Variants in EFNA5 observed in about 807,000 individuals in gnomAD.
EFNA5 encodes ephrin-A5.
EFNA5 carries 5 observed loss-of-function variants against 22.9 expected under a neutral mutation model. That is an observed-to-expected ratio of 0.22 (90% CI 0.11 to 0.46). The LOEUF is 0.46. Among genes scored for constraint, EFNA5 ranks in the 20% least tolerant of loss-of-function variants. The pLI is 0.99. For synonymous variants in EFNA5, 113 were observed against 112.2 expected (o/e 1.01, Z -0.04); for missense variants, 237 against 293.3 (o/e 0.81, Z 1.40).
chr5:107,655,322 A>G (rs945989603), intron 1 of EFNA5, among the ~76,000 whole-genome samples: 7 of 152,256 alleles, frequency 4.6e-5, no homozygotes, highest in Middle Eastern at 3.4e-3. Context: ...TTAGCAGGAA[A>G]AAAGAAACCT....
intron 1 of EFNA5, among the ~76,000 whole-genome samples, chr5:107,620,867 C>T (rs1467735547): frequency 1.3e-5 from 2 of 152,088 alleles, no homozygotes; most frequent in South Asian, 2.1e-4. Context: ...GCAGGAATAA[C>T]TAATGTGACC....
chr5:107,410,953 G>T (rs2562525), intron 2 of EFNA5, among the ~76,000 whole-genome samples: 118,156 of 152,106 alleles, frequency 0.78, 46,310 homozygotes, highest in Non-Finnish European at 0.81. Context: ...ATTCTTTGTC[G>T]TGGAGTCGTT....
At chr5:107,509,304 T>C (rs1217376693) in intron 1 of EFNA5, among the ~76,000 whole-genome samples, 1 of 151,502 alleles carries the variant, frequency 6.6e-6, no homozygotes, top group Non-Finnish European at 1.5e-5. Context: ...GAGTGTCAAC[T>C]CTTTTTCTTT....
At chr5:107,508,509 T>C (rs1747297531) in intron 1 of EFNA5, among the ~76,000 whole-genome samples, 1 of 152,238 alleles carries the variant, frequency 6.6e-6, no homozygotes, top group South Asian at 2.1e-4. Flanking sequence ...GTGGGCCTCA[T>C]CTGTGTTACA....
intron 1 of EFNA5, among the ~76,000 whole-genome samples, chr5:107,483,690 T>C (rs535918045): frequency 1.3e-5 from 2 of 152,346 alleles, no homozygotes; most frequent in Admixed American, 6.5e-5. Flanking sequence ...AAAATACTGC[T>C]CACAAGTATG....
At chr5:107,638,022 AT>A (rs548601580) in intron 1 of EFNA5, among the ~76,000 whole-genome samples, 2,232 of 144,386 alleles carry the variant, frequency 0.015, 28 homozygotes, top group Middle Eastern at 0.032. Flanking sequence ...AATTTTTTGT[AT>A]TTTTTTTTTT....
intron 1 of EFNA5, among the ~76,000 whole-genome samples, chr5:107,429,447 C>T (rs1252703696): frequency 6.6e-6 from 1 of 151,816 alleles, no homozygotes; most frequent in Non-Finnish European, 1.5e-5. Context: ...CTCGGTCTCA[C>T]AAAAGAAAAA....
chr5:107,465,020 A>G (rs972616430), intron 1 of EFNA5, among the ~76,000 whole-genome samples: 2 of 151,226 alleles, frequency 1.3e-5, no homozygotes, highest in African/African-American at 4.9e-5. Context: ...AGCACGGCCT[A>G]AGGGTTTACA....
At chr5:107,482,352 A>G (rs1236390408) in intron 1 of EFNA5, among the ~76,000 whole-genome samples, 1 of 152,124 alleles carries the variant, frequency 6.6e-6, no homozygotes, top group Non-Finnish European at 1.5e-5. Context: ...AGGCAAATAT[A>G]CTTATCTGTT....
At chr5:107,517,577 C>T (rs1453203036) in intron 1 of EFNA5, among the ~76,000 whole-genome samples, 1 of 152,062 alleles carries the variant, frequency 6.6e-6, no homozygotes, top group African/African-American at 2.4e-5. Flanking sequence ...TCTTGTGTGC[C>T]CAATAAAGAT....
intron 1 of EFNA5, among the ~76,000 whole-genome samples, chr5:107,584,973 G>A (rs1308060068): frequency 6.6e-6 from 1 of 152,162 alleles, no homozygotes; most frequent in Non-Finnish European, 1.5e-5. Flanking sequence ...CTAATGTAGG[G>A]AAAACAAGCA....
intron 1 of EFNA5, among the ~76,000 whole-genome samples, chr5:107,609,834 T>C (rs1749793603): frequency 1.3e-5 from 2 of 152,188 alleles, no homozygotes; most frequent in African/African-American, 4.8e-5. Context: ...GATGACTGAA[T>C]GGTGCCTCTT....
At chr5:107,392,925 TACA>T (rs1182291017) in intron 2 of EFNA5, among the ~76,000 whole-genome samples, 1 of 152,230 alleles carries the variant, frequency 6.6e-6, no homozygotes, top group African/African-American at 2.4e-5. Context: ...GTTGAAGAAA[TACA>T]ACAAGACATA....
At chr5:107,405,362 G>A (rs1748180106) in intron 2 of EFNA5, among the ~76,000 whole-genome samples, 1 of 152,104 alleles carries the variant, frequency 6.6e-6, no homozygotes, top group Admixed American at 6.6e-5. Context: ...TCTCAGGAAG[G>A]GACCTCCCCA....
intron 1 of EFNA5, among the ~76,000 whole-genome samples, chr5:107,621,271 C>T (rs181948150): frequency 1.3e-5 from 2 of 152,222 alleles, no homozygotes; most frequent in East Asian, 1.9e-4. Context: ...ACCAGACAGG[C>T]CCAGGGTTGG....
At chr5:107,393,450 T>C (rs558496170) in intron 2 of EFNA5, among the ~76,000 whole-genome samples, 1 of 152,360 alleles carries the variant, frequency 6.6e-6, no homozygotes, top group East Asian at 1.9e-4. Flanking sequence ...CTGCCTAACC[T>C]TATTCAGCTT....
chr5:107,524,903 A>G (rs755419020), intron 1 of EFNA5, among the ~76,000 whole-genome samples: 2 of 152,214 alleles, frequency 1.3e-5, no homozygotes, highest in Non-Finnish European at 2.9e-5. Context: ...TTAAACTTCT[A>G]AAAATTAGTA....
intron 1 of EFNA5, among the ~76,000 whole-genome samples, chr5:107,554,132 G>T (rs1478087910): frequency 6.6e-6 from 1 of 152,158 alleles, no homozygotes; most frequent in Middle Eastern, 3.2e-3. Context: ...TGTAACTTAT[G>T]TCCAGAAAGC....
intron 1 of EFNA5, among the ~76,000 whole-genome samples, chr5:107,566,340 T>C (rs773905589): frequency 1.5e-5 from 2 of 134,604 alleles, no homozygotes; most frequent in South Asian, 2.1e-4. Flanking sequence ...GTGGCATTCA[T>C]GTGTCTAATT....
Sources: allele counts gnomAD v4.1 joint callset (sites outside exome capture counted in the v4.1 genomes callset), GRCh38; gene constraint gnomAD v4.1.1; transcripts MANE v1.5; gene names NCBI Gene and HGNC (gene_info 2026-07-23, HGNC 2026-07-21).